The following NRXN3 variants were observed in gnomAD, a reference collection of about 807,000 sequenced individuals.
NRXN3 encodes the protein neurexin III.
Under a neutral mutation model 137.6 loss-of-function variants are expected in NRXN3, and 32 were observed. That is an observed-to-expected ratio of 0.23 (90% CI 0.18 to 0.31). NRXN3 has a LOEUF of 0.31. Ranked by LOEUF, NRXN3 falls within the 10% of genes least tolerant of loss-of-function variation. The probability of loss-of-function intolerance (pLI) is 1.00; values close to 1 mark genes in which losing one functional copy is unlikely to be tolerated. For synonymous variants in NRXN3, 798 were observed against 784.5 expected, an observed-to-expected ratio of 1.02 and a Z score of -0.29; for missense variants, 1,574 against 2,062.5, an observed-to-expected ratio of 0.76 and a Z score of 4.59.
chr14:79,236,028 A>G (rs904530847), intron 15 of NRXN3, among the ~76,000 whole-genome samples: 2 of 152,174 alleles, frequency 1.3e-5, no homozygotes, highest in African/African-American at 4.8e-5. Context: ...TTCAACTTGT[A>G]TAAAATTTGG....
chr14:79,273,434 A>G (rs1294383966), intron 15 of NRXN3, among the ~76,000 whole-genome samples: 1 of 151,826 alleles, frequency 6.6e-6, no homozygotes, highest in Non-Finnish European at 1.5e-5. Flanking sequence ...GGAGATGGAG[A>G]CCATCCTGGC....
rs75942875 is a variant in NRXN3 at position 79,655,048 on chromosome 14, A to G, written c.3445-8730A>G. Among the ~76,000 whole-genome samples, 758 of 152,292 alleles carry G rather than the reference A, an allele frequency of 5.0e-3. 7 individuals carry two copies. Among genetic ancestry groups the G allele is most frequent in the African/African-American group, 0.018 (734 of 41,576 alleles). ...GGCCTAGAATATCCACCTCTAAGAG[A>G]AGAAATTTCTCCTTTGCATCCTGTT... On this transcript the variant is annotated intron_variant, in intron 16 of 20. Coordinates refer to ENST00000335750, the MANE Select transcript of NRXN3 (RefSeq NM_001330195.2).
At chr14:78,282,314 A>G (rs1596740216) in intron 3 of NRXN3, 1 of 384,612 alleles carries the variant, frequency 2.6e-6, no homozygotes, top group East Asian at 7.4e-5. Context: ...AGGGAAGAGT[A>G]GTGGGTTAGA....
chr14:78,440,425 A>G (rs1460926749), intron 4 of NRXN3, among the ~76,000 whole-genome samples: 1 of 145,958 alleles, frequency 6.9e-6, no homozygotes, highest in Admixed American at 6.9e-5. Flanking sequence ...ATTTTTATAA[A>G]TACTCCCTTC....
chr14:79,192,754 C>A (rs556975790), intron 15 of NRXN3, among the ~76,000 whole-genome samples: 2 of 143,620 alleles, frequency 1.4e-5, no homozygotes, highest in Non-Finnish European at 1.5e-5. Flanking sequence ...AAGACATGTA[C>A]AATTCTCTTA....
Position 78,709,605 on chromosome 14 carries a change from C to G in NRXN3, c.1610C>G (p.Ala537Gly). Residue 537 changes from alanine (A) to glycine (G), a missense_variant, in exon 7 of 21, where the codon GCC (alanine) becomes GGC (glycine). Ala to Gly is a moderately conservative substitution (Grantham distance 60, BLOSUM62 0). This residue lies in a region of NRXN3 where 718 missense variants were observed against 887.6 expected (regional missense o/e 0.81). Coordinates refer to ENST00000335750, the MANE Select transcript of NRXN3 (RefSeq NM_001330195.2). Reference sequence around the variant, plus strand: ...AAAGTGAAAGCCACTCAGAAGAAAGCCAATGATGGGGAATGGTACCATGTG... The same window carrying G: ...AAAGTGAAAGCCACTCAGAAGAAAGGCAATGATGGGGAATGGTACCATGTG... ...TIKVKATQKK[A>G]NDGEWYHVDI... The G allele has an allele frequency of 6.2e-7, 1 of 1,613,850 alleles. No homozygotes were observed. The highest frequency in any genetic ancestry group is 8.5e-7 in the Non-Finnish European group (1 of 1,180,008).
At position 79,526,944 on chromosome 14, in the gene NRXN3, A is replaced by G. The variant is rs144925749; in HGVS notation, c.3444+59542A>G. ...AAGACAGCAAAACATAACAGAACCC[A>G]GAGATGCCCCAAGGCAATACAAAGT... On this transcript the variant is annotated intron_variant, in intron 16 of 20. Coordinates refer to ENST00000335750, the MANE Select transcript of NRXN3 (RefSeq NM_001330195.2). Among the ~76,000 whole-genome samples, 975 of 152,326 alleles carry G rather than the reference A, an allele frequency of 6.4e-3. 38 individuals carry two copies. Among genetic ancestry groups the G allele is most frequent in the Non-Finnish European group, 2.6e-3 (176 of 68,036 alleles).
chr14:78,435,221 A>C (rs1433629404), intron 4 of NRXN3, among the ~76,000 whole-genome samples: 2 of 152,166 alleles, frequency 1.3e-5, no homozygotes, highest in Non-Finnish European at 2.9e-5. Context: ...CTGATTCTTT[A>C]AAAATTTTAT....
At chr14:78,572,437 C>T (rs577247104) in intron 4 of NRXN3, among the ~76,000 whole-genome samples, 270 of 152,280 alleles carry the variant, frequency 1.8e-3, no homozygotes, top group Non-Finnish European at 2.9e-3. Context: ...GCTTTTTGCA[C>T]AGGGAAGTTC....
intron 16 of NRXN3, among the ~76,000 whole-genome samples, chr14:79,534,770 A>C (rs2097197515): frequency 6.6e-6 from 1 of 152,214 alleles, no homozygotes; most frequent in Non-Finnish European, 1.5e-5. Context: ...ACATAATAGA[A>C]ACGTGGCAAT....
At chr14:79,565,905 A>C (rs1410911719) in intron 16 of NRXN3, among the ~76,000 whole-genome samples, 2 of 152,186 alleles carry the variant, frequency 1.3e-5, no homozygotes, top group African/African-American at 2.4e-5. Flanking sequence ...TTTGTTAAGA[A>C]AAATAATTCA....
intron 16 of NRXN3, among the ~76,000 whole-genome samples, chr14:79,562,286 C>G (rs1010526236): frequency 1.3e-5 from 2 of 152,068 alleles, no homozygotes; most frequent in African/African-American, 4.8e-5. Context: ...ATTATAGGCC[C>G]TATTTTTCGA....
chr14:78,452,495 G>A (rs981994652), intron 4 of NRXN3, among the ~76,000 whole-genome samples: 1 of 152,148 alleles, frequency 6.6e-6, no homozygotes, highest in Non-Finnish European at 1.5e-5. Flanking sequence ...TCATGCCTTA[G>A]GACTCCCAGC....
chr14:78,560,761 A>G (rs959182858), intron 4 of NRXN3, among the ~76,000 whole-genome samples: 6 of 152,230 alleles, frequency 3.9e-5, no homozygotes, highest in Non-Finnish European at 5.9e-5. Context: ...AGAGTGTTCA[A>G]GATAACTTCA....
In NRXN3 at chr14:78,243,891, A is replaced by G. The variant is rs1430202769; in HGVS notation, c.709+89A>G. The G allele has an allele frequency of 2.1e-6, 2 of 957,224 alleles. No homozygotes were observed. Among genetic ancestry groups the G allele is most frequent in the Non-Finnish European group, 3.1e-6 (2 of 641,822 alleles). The allele number at this position is 957,224 out of a possible 1,614,324, so 59.3% of individuals were successfully genotyped here. Reference sequence around the variant, plus strand: ...ATACAAACCAGTTCTATATGGATGCATATCTTTAGCTGCATGTTAGATCAC... The same window carrying G: ...ATACAAACCAGTTCTATATGGATGCGTATCTTTAGCTGCATGTTAGATCAC... On this transcript the variant is annotated intron_variant, in intron 2 of 20. Transcript: ENST00000335750. The surrounding 1 kb of genome is among the most constrained non-coding windows in gnomAD (Gnocchi z 4.2).
chr14:78,534,869 A>C (rs2096517356), intron 4 of NRXN3, among the ~76,000 whole-genome samples: 1 of 152,218 alleles, frequency 6.6e-6, no homozygotes, highest in South Asian at 2.1e-4. Context: ...TTTTTGCAAT[A>C]GGCAATTATA....
intron 20 of NRXN3, among the ~76,000 whole-genome samples, chr14:79,805,457 T>A (rs1260421482): frequency 6.6e-6 from 1 of 152,066 alleles, no homozygotes; most frequent in East Asian, 1.9e-4. Context: ...TGACTTAACA[T>A]TGGGCAAGCA....
intron 14 of NRXN3, among the ~76,000 whole-genome samples, chr14:78,982,179 G>T (rs2153048432): frequency 6.6e-6 from 1 of 152,178 alleles, no homozygotes; most frequent in South Asian, 2.1e-4. Context: ...AAATTCTAGG[G>T]ATAAATTTTT....
chr14:78,616,379 C>T (rs140735396), intron 4 of NRXN3, among the ~76,000 whole-genome samples: 8 of 152,304 alleles, frequency 5.3e-5, no homozygotes, highest in African/African-American at 1.7e-4. Context: ...AAGGCTAACT[C>T]GTACTCATTT....
Sources: gnomAD v4.1 joint callset for allele counts (sites outside exome capture counted in the v4.1 genomes callset) on GRCh38, gnomAD v4.1.1 for gene constraint, gnomAD v4.1.1 regional missense constraint, Gnocchi (gnomAD v3.1) non-coding constraint, MANE v1.5 for transcripts, NCBI Gene and HGNC (gene_info 2026-07-23, HGNC 2026-07-21) for gene names.